Variants in FRAS1 observed in about 807,000 individuals in gnomAD.
FRAS1 encodes extracellular matrix organizing protein FRAS1.
A neutral mutation model predicts 435.2 loss-of-function variants in FRAS1; 290 were observed. The observed-to-expected ratio is 0.67, with a 90% CI of 0.61 to 0.73. The LOEUF (loss-of-function observed/expected upper bound fraction) is 0.73. FRAS1 is among the 30% of genes least tolerant of loss of function. FRAS1 has a pLI of 0.00. For missense variants in FRAS1, 4,860 were observed against 5,001.5 expected (o/e 0.97, Z 0.85); for synonymous variants, 1,800 against 1,851.0 (o/e 0.97, Z 0.71).
intron 14 of FRAS1, among the ~76,000 whole-genome samples, chr4:78,299,530 C>T (rs1430063163): frequency 3.3e-5 from 5 of 151,654 alleles, no homozygotes; most frequent in South Asian, 4.1e-4. Flanking sequence ...TGCATGTCTG[C>T]GCTGCTATTC....
At position 78,438,826 on chromosome 4, in the gene FRAS1, T is replaced by A. The variant is rs115330554; in HGVS notation, c.5367-76T>A. Reference sequence around the variant, plus strand: ...AAGAATATATTGGTTTGGCCCCATTTTTAAACAAAGATGCTGCTGTCTTAC... The same window carrying A: ...AAGAATATATTGGTTTGGCCCCATTATTAAACAAAGATGCTGCTGTCTTAC... On this transcript the variant is annotated intron_variant, in intron 39 of 73. Transcript: ENST00000512123. 5.7e-4 allele frequency: 866 copies of A among 1,517,844 alleles called. 3 individuals carry two copies. In the African/African-American group the frequency reaches 0.011, roughly 18 times the overall value. 94.0% of individuals were successfully genotyped at this position (1,517,844 alleles called of 1,614,324 possible).
In FRAS1 at chr4:78,224,084, G is replaced by A. The variant is rs553929546; in HGVS notation, c.109-13426G>A. ...TCAGGCTGCTGAGACAGGGCTGGCCGCCCTTGAGGATCCCTGATTCCCTCC... is the reference window on the plus strand; with the variant it reads ...TCAGGCTGCTGAGACAGGGCTGGCCACCCTTGAGGATCCCTGATTCCCTCC... On this transcript the variant is annotated intron_variant, in intron 2 of 73. Coordinates refer to ENST00000512123, the MANE Select transcript of FRAS1 (RefSeq NM_025074.7). Among the ~76,000 whole-genome samples, 41 of 152,292 alleles carry A rather than the reference G, an allele frequency of 2.7e-4. No homozygotes were observed. The South Asian group carries it at 3.5e-3, about 13-fold the overall frequency.
At chr4:78,308,253 T>C (rs1560644254) in intron 15 of FRAS1, 44 bp downstream of exon 15, 1 of 1,588,244 alleles carries the variant, frequency 6.3e-7, no homozygotes, top group Non-Finnish European at 8.6e-7. Context: ...TCCTTTTTCT[T>C]TTCCAGCATC....
intron 26 of FRAS1, 39 bp from the exon 27 acceptor site, chr4:78,379,687 G>C: frequency 6.3e-7 from 1 of 1,580,238 alleles, no homozygotes; most frequent in East Asian, 2.2e-5. Context: ...ATTAGTGAAG[G>C]TACCATAAGC....
chr4:78,312,298 T>A (rs1189639894), intron 15 of FRAS1, among the ~76,000 whole-genome samples: 1 of 151,670 alleles, frequency 6.6e-6, no homozygotes. Flanking sequence ...TTTCTCTTTA[T>A]TGTATATTAA....
At chr4:78,383,123 C>T (rs1412182943) in intron 27 of FRAS1, among the ~76,000 whole-genome samples, 3 of 152,190 alleles carry the variant, frequency 2.0e-5, no homozygotes, top group African/African-American at 7.2e-5. Flanking sequence ...GTAAGTCTTA[C>T]CTTCCCTCCT....
In FRAS1 at chr4:78,237,493, CT is replaced by C. The variant is rs548267943; in HGVS notation, c.109-15del. On this transcript the variant is annotated splice_polypyrimidine_tract_variant and intron_variant, in intron 2 of 73. Coordinates refer to ENST00000512123, the MANE Select transcript of FRAS1 (RefSeq NM_025074.7). ...TGACTGATCAGTTTTTAAATCAGAG[CT>C]TATGCCTCTTTACAGGATGCCACAA... The C allele has an allele frequency of 0.011, 16,762 of 1,584,726 alleles. 113 individuals are homozygous for C. The highest frequency in any genetic ancestry group is 0.012 in the Non-Finnish European group (14,279 of 1,153,654).
intron 2 of FRAS1, among the ~76,000 whole-genome samples, chr4:78,134,767 C>G (rs1397347393): frequency 1.3e-5 from 2 of 152,074 alleles, no homozygotes; most frequent in Non-Finnish European, 2.9e-5. Flanking sequence ...TATGCATTAT[C>G]TCATTTAATT....
intron 5 of FRAS1, among the ~76,000 whole-genome samples, chr4:78,253,274 T>G (rs1392841581): frequency 3.3e-5 from 5 of 152,226 alleles, no homozygotes; most frequent in African/African-American, 1.2e-4. Context: ...TTACCTTCCC[T>G]TATTCCCTGA....
chr4:78,441,275 C>G lies in FRAS1; in HGVS notation c.5643C>G (p.Gly1881=). Residue 1881 remains glycine, a synonymous_variant, in exon 41 of 74, where the codon GGC becomes GGG. Coordinates refer to ENST00000512123, the MANE Select transcript of FRAS1 (RefSeq NM_025074.7). ...IIKLSALPKY[G]CIENTGTGDR... Reference sequence around the variant, plus strand: ...AACTAAGTGCTCTGCCCAAATATGGCTGCATTGAGAACACAGGAACAGGTA... The same window carrying G: ...AACTAAGTGCTCTGCCCAAATATGGGTGCATTGAGAACACAGGAACAGGTA... 6.2e-7 allele frequency: 1 copy of G among 1,612,758 alleles called. No homozygotes were observed. Among genetic ancestry groups the G allele is most frequent in the Non-Finnish European group, 8.5e-7 (1 of 1,179,340 alleles).
intron 2 of FRAS1, among the ~76,000 whole-genome samples, chr4:78,132,526 T>G (rs955240559): frequency 3.3e-5 from 5 of 152,168 alleles, no homozygotes; most frequent in African/African-American, 1.2e-4. Context: ...GTAAGCACCT[T>G]TTTTGACTAA....
At chr4:78,470,126 C>A in intron 51 of FRAS1, 35 bp downstream of exon 51, 4 of 1,384,432 alleles carry the variant, frequency 2.9e-6, no homozygotes, top group Non-Finnish European at 4.1e-6. Flanking sequence ...TCACACCACC[C>A]AACTTGGGCT....
chr4:78,477,109 G>T (rs2109855691), intron 54 of FRAS1, among the ~76,000 whole-genome samples: 1 of 152,090 alleles, frequency 6.6e-6, no homozygotes, highest in Non-Finnish European at 1.5e-5. Flanking sequence ...TAATGGCAAA[G>T]GGTGTAGTCA....
chr4:78,488,119 C>T lies in FRAS1; in HGVS notation c.8753-756C>T, dbSNP rs544651026. ...CTGCACTCCAGCCTGAGTGACAGAG[C>T]GAGACTCCGTCTCAAAAAAAAAGAA... On this transcript the variant is annotated intron_variant, in intron 58 of 73. Transcript: ENST00000512123. Among the ~76,000 whole-genome samples, 4 of 152,130 alleles carry T rather than the reference C, an allele frequency of 2.6e-5. No homozygotes were observed. In the East Asian group the frequency reaches 7.7e-4, roughly 29 times the overall value.
chr4:78,491,971 C>T (rs1720365386), intron 59 of FRAS1, among the ~76,000 whole-genome samples: 1 of 152,188 alleles, frequency 6.6e-6, no homozygotes, highest in South Asian at 2.1e-4. Flanking sequence ...GATACAAAAT[C>T]AATGTGCAAA....
chr4:78,301,377 A>G (rs897103080), intron 14 of FRAS1, among the ~76,000 whole-genome samples: 19 of 76,204 alleles, frequency 2.5e-4, no homozygotes, highest in African/African-American at 6.3e-4. Context: ...CTTGAAGAGT[A>G]AAAAAAAAAA....
chr4:78,139,653 T>G (rs1720077091), intron 2 of FRAS1, among the ~76,000 whole-genome samples: 2 of 152,212 alleles, frequency 1.3e-5, no homozygotes, highest in South Asian at 2.1e-4. Flanking sequence ...ATATTGAGAA[T>G]GTGCTAAGCA....
chr4:78,412,673 A>G (rs777376060), intron 31 of FRAS1, among the ~76,000 whole-genome samples: 6 of 152,222 alleles, frequency 3.9e-5, no homozygotes, highest in Non-Finnish European at 5.9e-5. Context: ...AATAAGTTAA[A>G]TATCAACATA....
At chr4:78,308,232 G>C in intron 15 of FRAS1, 23 bp downstream of exon 15, 2 of 1,605,122 alleles carry the variant, frequency 1.2e-6, no homozygotes, top group Middle Eastern at 3.3e-4. Flanking sequence ...TTGCGATGCT[G>C]ACGTGTCCTT....
Sources: gnomAD v4.1 joint callset for allele counts (sites outside exome capture counted in the v4.1 genomes callset) on GRCh38, gnomAD v4.1.1 for gene constraint, MANE v1.5 for transcripts, NCBI Gene and HGNC (gene_info 2026-07-23, HGNC 2026-07-21) for gene names.